The following COL19A1 variants were observed in gnomAD, a reference collection of about 807,000 sequenced individuals.
COL19A1 encodes the protein collagen alpha-1(XIX) chain.
Under a neutral mutation model 190.2 loss-of-function variants are expected in COL19A1, and 159 were observed. The observed-to-expected ratio is 0.84, with a 90% CI of 0.73 to 0.95. The LOEUF (loss-of-function observed/expected upper bound fraction) is 0.95, where lower values mean the gene tolerates loss of function less well. Ranked by LOEUF, COL19A1 falls within the 40% of genes least tolerant of loss-of-function variation. The probability of loss-of-function intolerance (pLI) is 0.00; values close to 1 mark genes in which losing one functional copy is unlikely to be tolerated. For synonymous variants in COL19A1, 509 were observed against 458.9 expected, an observed-to-expected ratio of 1.11 and a Z score of -1.39; for missense variants, 1,418 against 1,431.9, an observed-to-expected ratio of 0.99 and a Z score of 0.16.
At chr6:70,129,452 A>G (rs1785390252) in intron 17 of COL19A1, among the ~76,000 whole-genome samples, 2 of 152,238 alleles carry the variant, frequency 1.3e-5, no homozygotes, top group Admixed American at 1.3e-4. Context: ...CATGGGAATC[A>G]GAGGATTTAT....
intron 9 of COL19A1, among the ~76,000 whole-genome samples, chr6:69,947,115 T>C (rs1001651727): frequency 2.0e-5 from 3 of 151,916 alleles, no homozygotes; most frequent in African/African-American, 4.8e-5. Context: ...GCTATTCTTT[T>C]AGCCCCAGGG....
chr6:70,088,109 A>G (rs1322318727), intron 15 of COL19A1, among the ~76,000 whole-genome samples: 1 of 152,156 alleles, frequency 6.6e-6, no homozygotes, highest in Non-Finnish European at 1.5e-5. Flanking sequence ...CCTTTCACAG[A>G]GAGTTCATTC....
At chr6:70,023,792 A>G (rs1778581906) in intron 12 of COL19A1, 112 bp downstream of exon 12, 7 of 889,820 alleles carry the variant, frequency 7.9e-6, no homozygotes, top group Non-Finnish European at 8.4e-6. Flanking sequence ...CCATGATCCA[A>G]CAAAATTAAG....
intron 14 of COL19A1, among the ~76,000 whole-genome samples, chr6:70,037,265 C>T (rs1562108348): frequency 6.6e-6 from 1 of 152,242 alleles, no homozygotes; most frequent in East Asian, 1.9e-4. Flanking sequence ...AAGCGATTCT[C>T]CTGCCTCAGC....
At chr6:69,921,352 TCATA>T (rs1274904928) in intron 4 of COL19A1, among the ~76,000 whole-genome samples, 1 of 107,596 alleles carries the variant, frequency 9.3e-6, no homozygotes, top group African/African-American at 3.6e-5. Flanking sequence ...ATATCATATA[TCATA>T]ATCATATATA....
chr6:69,918,643 C>T (rs1032002968), intron 4 of COL19A1, among the ~76,000 whole-genome samples: 2 of 152,042 alleles, frequency 1.3e-5, no homozygotes, highest in Non-Finnish European at 2.9e-5. Context: ...GAGGTTGAGG[C>T]TGCAATGAAC....
At chr6:69,940,643 G>T (rs1162967131) in intron 9 of COL19A1, among the ~76,000 whole-genome samples, 2 of 152,116 alleles carry the variant, frequency 1.3e-5, no homozygotes, top group East Asian at 3.8e-4. Context: ...AATGGCAAGA[G>T]ATTTTAGTGG....
Position 69,996,253 on chromosome 6 carries a change from A to G in COL19A1, c.1027-27374A>G, listed in dbSNP as rs1027150440. On this transcript the variant is annotated intron_variant, in intron 11 of 50. Transcript: ENST00000620364. ...AGGATAATAATAGAAAAAGACATGT[A>G]TATTCGGACAGCTATAGAGGCAGAC... Among the ~76,000 whole-genome samples, 4 of 152,206 alleles carry G rather than the reference A, an allele frequency of 2.6e-5. No homozygotes were observed. In the South Asian group the frequency reaches 8.3e-4, roughly 31 times the overall value.
At chr6:69,885,649 G>C (rs1768871663) in intron 2 of COL19A1, among the ~76,000 whole-genome samples, 1 of 152,084 alleles carries the variant, frequency 6.6e-6, no homozygotes, top group Non-Finnish European at 1.5e-5. Flanking sequence ...CCTCACACCA[G>C]TGATAAATAT....
chr6:70,176,541 C>T lies in COL19A1; in HGVS notation c.2644C>T (p.Pro882Ser), dbSNP rs1456861035. 6.2e-7 allele frequency: 1 copy of T among 1,613,384 alleles called. No homozygotes were observed. Among genetic ancestry groups the T allele is most frequent in the Non-Finnish European group, 8.5e-7 (1 of 1,179,660 alleles). The change falls in exon 42 of 51, where the codon CCC becomes TCC. Residue 882 changes from proline to serine, a missense_variant. Physicochemically the swap from Pro to Ser is moderately conservative, Grantham distance 74 (BLOSUM62 -1). Coordinates refer to ENST00000620364, the MANE Select transcript of COL19A1 (RefSeq NM_001858.6). ...ACAGGGAGATCGAGGCCCAGCAGGTCCCCCAGGAATAGCAGGGATGTCGGT... is the reference window on the plus strand; with the variant it reads ...ACAGGGAGATCGAGGCCCAGCAGGTTCCCCAGGAATAGCAGGGATGTCGGT... ...GVKGDRGPAGPPGIAGMSGKP... is the reference protein window; with the variant it reads ...GVKGDRGPAGSPGIAGMSGKP...
intron 4 of COL19A1, among the ~76,000 whole-genome samples, chr6:69,909,760 T>C (rs61303512): frequency 0.031 from 4,677 of 152,258 alleles, 241 homozygotes; most frequent in African/African-American, 0.1. Flanking sequence ...AGAACTGATA[T>C]ACGATTTTCC....
chr6:69,875,719 T>C (rs898382790), intron 1 of COL19A1, among the ~76,000 whole-genome samples: 1 of 152,076 alleles, frequency 6.6e-6, no homozygotes, highest in Non-Finnish European at 1.5e-5. Flanking sequence ...AGAAGAACAA[T>C]TTGTGGTTGG....
rs376565528 is a variant in COL19A1 at position 69,901,735 on chromosome 6, C to A, written c.266+1397C>A. 5.3e-5 allele frequency among the ~76,000 whole-genome samples: 8 copies of A among 152,304 alleles called. No homozygotes were observed. The South Asian group carries it at 1.7e-3, about 32-fold the overall frequency. Reference sequence around the variant, plus strand: ...CTTTAATTAATAAATTTAAGAAAGGCAATACATTCTGTTTAAAAATTAAGA... The same window carrying A: ...CTTTAATTAATAAATTTAAGAAAGGAAATACATTCTGTTTAAAAATTAAGA... On this transcript the variant is annotated intron_variant, in intron 4 of 50. Transcript: ENST00000620364.
At position 70,156,322 on chromosome 6, in the gene COL19A1, A is replaced by G. The variant is rs1787435618; in HGVS notation, c.2191A>G (p.Ile731Val). 1.2e-6 allele frequency: 2 copies of G among 1,613,368 alleles called. No homozygotes were observed. Among genetic ancestry groups the G allele is most frequent in the Non-Finnish European group, 1.7e-6 (2 of 1,179,584 alleles). Residue 731 changes from isoleucine (I) to valine (V), a missense_variant, in exon 33 of 51, where the codon ATA (isoleucine) becomes GTA (valine). Ile to Val is a conservative substitution (Grantham distance 29). Transcript: ENST00000620364. ...TTCTTCCTCTGTCTTCTAGGGTGAT[A>G]TAGGGCCACGGGGTCCTCCAGGAAT... ...KYDSMARKGD[I>V]GPRGPPGIPG...
intron 48 of COL19A1, among the ~76,000 whole-genome samples, chr6:70,196,160 A>G (rs891519267): frequency 6.6e-6 from 1 of 152,226 alleles, no homozygotes; most frequent in Non-Finnish European, 1.5e-5. Context: ...CTAGAATATA[A>G]TTATTAAAAT....
At chr6:69,944,276 T>A (rs1223501590) in intron 9 of COL19A1, among the ~76,000 whole-genome samples, 4 of 152,170 alleles carry the variant, frequency 2.6e-5, no homozygotes, top group African/African-American at 9.6e-5. Context: ...CACATTGTCA[T>A]CACGCATCTA....
intron 5 of COL19A1, among the ~76,000 whole-genome samples, chr6:69,928,906 C>T (rs1243846307): frequency 3.3e-5 from 5 of 152,152 alleles, no homozygotes; most frequent in Admixed American, 2.6e-4. Flanking sequence ...AGTAGATCAA[C>T]CAAGAGTATG....
rs1469854672 is a variant in COL19A1 at position 69,877,783 on chromosome 6, G to A, written c.-32-1753G>A. ...TGCCTGTAATCCCAGCACTTTGGGAGGCCAAGGTGGGCAGATCACGAGGTC... is the reference window on the plus strand; with the variant it reads ...TGCCTGTAATCCCAGCACTTTGGGAAGCCAAGGTGGGCAGATCACGAGGTC... On this transcript the variant is annotated intron_variant, in intron 1 of 50. Transcript: ENST00000620364. Among the ~76,000 whole-genome samples the A allele has an allele frequency of 2.0e-5, 3 of 152,048 alleles. 1 individual carries two copies. The highest frequency in any genetic ancestry group is 7.2e-5 in the African/African-American group (3 of 41,402).
chr6:70,177,368 G>T (rs1765880360), intron 42 of COL19A1, among the ~76,000 whole-genome samples: 1 of 150,992 alleles, frequency 6.6e-6, no homozygotes, highest in Admixed American at 6.6e-5. Flanking sequence ...ACCACCCACA[G>T]TCACCCACCG....
Sources: gnomAD v4.1 joint callset for allele counts (sites outside exome capture counted in the v4.1 genomes callset) on GRCh38, gnomAD v4.1.1 for gene constraint, MANE v1.5 for transcripts, NCBI Gene and HGNC (gene_info 2026-07-23, HGNC 2026-07-21) for gene names.